COL5A1: variants seen among roughly 807,000 people sequenced by gnomAD.
The protein encoded by COL5A1 is collagen alpha-1(V) chain.
In COL5A1, 16 loss-of-function variants were observed where a neutral mutation model predicts 263.7. That is an observed-to-expected ratio of 0.06 (90% confidence interval 0.04 to 0.09). COL5A1 has a LOEUF of 0.09. COL5A1 is among the 10% of genes least tolerant of loss of function. The pLI, the probability that COL5A1 is intolerant of heterozygous loss-of-function variation, is 1.00. For synonymous variants in COL5A1, 1,012 were observed against 1,004.5 expected, an observed-to-expected ratio of 1.01 and a Z score of -0.14; for missense variants, 2,036 against 2,540.5, an observed-to-expected ratio of 0.80 and a Z score of 4.27.
At position 134,764,056 on chromosome 9, in the gene COL5A1, T is replaced by C. The variant is rs1194098661; in HGVS notation, c.2034+319T>C. On this transcript the variant is annotated intron_variant, in intron 20 of 65. Transcript: ENST00000371817. ...AGTCGGGGGCAGTATGTGGGGTCCA[T>C]GGGCATTGTGGAGGGTCTGAGGGCA... Among the ~76,000 whole-genome samples the C allele has an allele frequency of 7.7e-5, 4 of 51,622 alleles. No homozygotes were observed. The South Asian group carries it at 2.8e-3, about 36-fold the overall frequency. 33.9% of individuals were successfully genotyped at this position (51,622 alleles called of 152,430 possible). A position where few individuals can be genotyped will look rare whatever the true frequency, so the allele number is the denominator to read the frequency against.
intron 1 of COL5A1, among the ~76,000 whole-genome samples, chr9:134,654,453 T>TG (rs1831843941): frequency 3.9e-5 from 1 of 25,784 alleles, no homozygotes. Flanking sequence ...GTAGGGCTGG[T>TG]GTGTGTAGGG....
At chr9:134,812,815 C>A in intron 48 of COL5A1, 103 bp downstream of exon 48, 1 of 847,364 alleles carries the variant, frequency 1.2e-6, no homozygotes, top group Non-Finnish European at 2.0e-6. Context: ...TGCGCATGCA[C>A]ACGCTTGTGG....
At position 134,818,954 on chromosome 9, in the gene COL5A1, A is replaced by C. The variant is rs758386638; in HGVS notation, c.4393-46A>C. 2.5e-6 allele frequency: 4 copies of C among 1,613,076 alleles called. No individual in the cohort carries two copies. The highest frequency in any genetic ancestry group is 3.4e-6 in the Non-Finnish European group (4 of 1,179,716). On this transcript the variant is annotated intron_variant, in intron 56 of 65. Transcript: ENST00000371817. This position sits in a 1 kb window ranked among gnomAD's most constrained non-coding sequence, Gnocchi z 6.0. ...AGCGGGTGGGATGACTTCGCCACCC[A>C]AAGCCCCAAGGATGAGGACTCTGAT...
At chr9:134,661,458 C>T (rs1351124720) in intron 1 of COL5A1, among the ~76,000 whole-genome samples, 1 of 151,820 alleles carries the variant, frequency 6.6e-6, no homozygotes, top group Non-Finnish European at 1.5e-5. Context: ...TGATGGCTCC[C>T]AGCACCAACT....
At chr9:134,676,705 C>CCATGGAGCCACGAATGCACAGT (rs1554777802) in intron 1 of COL5A1, among the ~76,000 whole-genome samples, 3 of 152,172 alleles carry the variant, frequency 2.0e-5, no homozygotes, top group Admixed American at 6.5e-5. Context: ...CCTTTATTTG[C>CCATGGAGCCACGAATGCACAGT]TGGTGGGGGT....
chr9:134,746,430 G>A (rs1014048372), intron 11 of COL5A1, among the ~76,000 whole-genome samples: 7 of 152,176 alleles, frequency 4.6e-5, no homozygotes, highest in African/African-American at 1.4e-4. Flanking sequence ...CCCAAATCCC[G>A]GCCTGGAAAG....
chr9:134,828,856 TAC>T (rs779846870), intron 63 of COL5A1, among the ~76,000 whole-genome samples: 31 of 144,856 alleles, frequency 2.1e-4, no homozygotes, highest in East Asian at 1.2e-3. Context: ...CATAACACAC[TAC>T]ACACACACCA....
intron 1 of COL5A1, among the ~76,000 whole-genome samples, chr9:134,654,138 G>T (rs367726680): frequency 2.4e-4 from 34 of 141,306 alleles, no homozygotes; most frequent in African/African-American, 8.3e-4. Context: ...AGTGCTGGGG[G>T]TGTGTAGGGC....
intron 2 of COL5A1, among the ~76,000 whole-genome samples, chr9:134,698,857 AC>A (rs1391822284): frequency 6.6e-6 from 1 of 152,296 alleles, no homozygotes; most frequent in East Asian, 1.9e-4. Flanking sequence ...GCTCAAGCCC[AC>A]CCACCAGATC....
intron 57 of COL5A1, 86 bp from the exon 58 acceptor site, chr9:134,820,030 C>A: frequency 1.1e-6 from 1 of 943,924 alleles, no homozygotes; most frequent in Non-Finnish European, 1.8e-6. Context: ...TGTGCCATGG[C>A]TGTGCTGCGT....
intron 6 of COL5A1, among the ~76,000 whole-genome samples, chr9:134,729,515 AGTGT>A (rs766549154): frequency 1.6e-5 from 2 of 125,424 alleles, no homozygotes; most frequent in African/African-American, 3.2e-5. Context: ...TGTGTGTGAG[AGTGT>A]GTGTGAGCGT....
chr9:134,701,580 G>A (rs765328156), intron 4 of COL5A1, among the ~76,000 whole-genome samples: 3 of 152,224 alleles, frequency 2.0e-5, no homozygotes, highest in Non-Finnish European at 4.4e-5. Context: ...CTTGTCCCAA[G>A]GGCCCAGTAC....
At chr9:134,746,992 G>T (rs578043599) in intron 11 of COL5A1, among the ~76,000 whole-genome samples, 1 of 152,342 alleles carries the variant, frequency 6.6e-6, no homozygotes, top group East Asian at 1.9e-4. Flanking sequence ...CAGCCCAGGG[G>T]TCAAAGTCTT....
chr9:134,798,538 C>T, intron 37 of COL5A1, 77 bp downstream of exon 37: 1 of 1,414,858 alleles, frequency 7.1e-7, no homozygotes, highest in Non-Finnish European at 1.0e-6. Flanking sequence ...CCCTCGCTGC[C>T]CAGCGCCATC....
intron 18 of COL5A1, among the ~76,000 whole-genome samples, chr9:134,761,717 C>T (rs1459233565): frequency 6.6e-6 from 1 of 152,198 alleles, no homozygotes; most frequent in Non-Finnish European, 1.5e-5. Context: ...TTCAGGCCAT[C>T]GTGGTGAGAC....
At position 134,820,186 on chromosome 9, in the gene COL5A1, C is replaced by G. The variant is rs1290912065; in HGVS notation, c.4517C>G (p.Pro1506Arg). The G allele has an allele frequency of 6.2e-7, 1 of 1,613,936 alleles. No individual in the cohort carries two copies. Among genetic ancestry groups the G allele is most frequent in the Non-Finnish European group, 8.5e-7 (1 of 1,179,960 alleles). Residue 1506 changes from proline to arginine, a missense_variant, in exon 58 of 66, where the codon CCT becomes CGT. Around this residue, in one of 3 missense-constraint regions of COL5A1, gnomAD observed 1,078 missense variants for 1,521.4 expected, o/e 0.71. Coordinates refer to ENST00000371817, the MANE Select transcript of COL5A1 (RefSeq NM_000093.5). ...GGTGAGAAGGGCGACCGTGGTCTCC[C>G]TGGCCCCCAGGGCTCCTCCGGTCCT... The part of the protein sequence containing the change: ...EQGEKGDRGL[P>R]GPQGSSGPKG...
chr9:134,819,351 G>A lies in COL5A1; in HGVS notation c.4446+298G>A, dbSNP rs139747118. On this transcript the variant is annotated intron_variant, in intron 57 of 65. Coordinates refer to ENST00000371817, the MANE Select transcript of COL5A1 (RefSeq NM_000093.5). ...CGGCTGATGGGTGTCCAGGATCCCA[G>A]GTTGCTGCTCTCCCTGGGCTGAGCG... 2.5e-3 allele frequency among the ~76,000 whole-genome samples: 385 copies of A among 152,366 alleles called. 2 individuals carry two copies. The highest frequency in any genetic ancestry group is 8.8e-3 in the African/African-American group (366 of 41,588).
intron 2 of COL5A1, among the ~76,000 whole-genome samples, chr9:134,692,312 C>G (rs1312775648): frequency 6.6e-6 from 1 of 152,174 alleles, no homozygotes; most frequent in Admixed American, 6.5e-5. Context: ...GCGTGTGGAA[C>G]TCATCGGCTC....
At chr9:134,667,441 G>T (rs184948704) in intron 1 of COL5A1, among the ~76,000 whole-genome samples, 1 of 152,304 alleles carries the variant, frequency 6.6e-6, no homozygotes, top group Admixed American at 6.5e-5. Flanking sequence ...TTGGTCACTG[G>T]TGCTCAGCAG....
Sources: gnomAD v4.1 joint callset for allele counts (sites outside exome capture counted in the v4.1 genomes callset) on GRCh38, gnomAD v4.1.1 for gene constraint, gnomAD v4.1.1 regional missense constraint, Gnocchi (gnomAD v3.1) non-coding constraint, MANE v1.5 for transcripts, NCBI Gene and HGNC (gene_info 2026-07-23, HGNC 2026-07-21) for gene names.